LIG3: variants seen among roughly 807,000 people sequenced by gnomAD.
LIG3 encodes the protein DNA ligase 3.
Under a neutral mutation model 110.9 loss-of-function variants are expected in LIG3, and 58 were observed. The observed-to-expected ratio is 0.52, with a 90% confidence interval of 0.42 to 0.65. LIG3 has a LOEUF of 0.65. LIG3 is among the 30% of genes least tolerant of loss of function. LIG3 has a pLI of 0.00. For missense variants in LIG3, 1,094 were observed against 1,273.8 expected (o/e 0.86, Z 2.15); for synonymous variants, 422 against 472.8 (o/e 0.89, Z 1.39).
Position 35,004,774 on chromosome 17 carries a change from AC to A in LIG3, c.*271del. On this transcript the variant is annotated 3_prime_UTR_variant, in exon 20 of 20. Coordinates refer to ENST00000378526, the MANE Select transcript of LIG3 (RefSeq NM_013975.4). ...GTTTTCTTTGAAAAGCAGCTTAGTT[AC>A]CCTTTTTATAAATAAAATATCTTGC... 1 of 439,846 alleles carries A rather than the reference AC, an allele frequency of 2.3e-6. No homozygotes were observed. 27.2% of individuals were successfully genotyped at this position (439,846 alleles called of 1,614,324 possible).
At position 35,009,494 on chromosome 17, in the gene LIG3, T is replaced by A. The variant is rs1009552282; in HGVS notation, c.*4988T>A. The A allele has an allele frequency of 9.2e-5, 14 of 151,932 alleles. No homozygotes were observed. The highest frequency in any genetic ancestry group is 3.4e-4 in the African/African-American group (14 of 41,360). 9.4% of individuals were successfully genotyped at this position (151,932 alleles called of 1,614,324 possible). On this transcript the variant is annotated 3_prime_UTR_variant, in exon 20 of 20. Transcript: ENST00000378526. Reference sequence around the variant, plus strand: ...GGGGCAGAAGGGAGGATTCAAAGATTTAAAAAAAATCAAATTTTAGACCTT... The same window carrying A: ...GGGGCAGAAGGGAGGATTCAAAGATATAAAAAAAATCAAATTTTAGACCTT...
intron 2 of LIG3, among the ~76,000 whole-genome samples, chr17:34,985,777 T>C (rs868497261): frequency 7.2e-5 from 11 of 152,210 alleles, no homozygotes; most frequent in African/African-American, 1.9e-4. Context: ...ACTGGATCTT[T>C]TGTCTCCAGC....
chr17:34,998,516 C>T (rs2090804476), intron 13 of LIG3, 88 bp from the exon 14 acceptor site: 1 of 1,518,750 alleles, frequency 6.6e-7, no homozygotes, highest in Non-Finnish European at 9.0e-7. Flanking sequence ...GGGCACTGGG[C>T]TAGATCTGGT....
At chr17:34,991,607 G>T in intron 5 of LIG3, 64 bp from the exon 6 acceptor site, 1 of 1,535,706 alleles carries the variant, frequency 6.5e-7, no homozygotes, top group South Asian at 1.1e-5. Flanking sequence ...TCAGTCCTGG[G>T]TCTTGGGGGA....
chr17:35,004,559 G>T lies in LIG3; in HGVS notation c.*53G>T. ...CATACTCTCCTTTACCATACTACTGGACTGGACTCAGGCTGGAGGCAGATA... is the reference window on the plus strand; with the variant it reads ...CATACTCTCCTTTACCATACTACTGTACTGGACTCAGGCTGGAGGCAGATA... On this transcript the variant is annotated 3_prime_UTR_variant, in exon 20 of 20. Transcript: ENST00000378526. 1 of 1,457,908 alleles carries T rather than the reference G, an allele frequency of 6.9e-7. No individual in the cohort carries two copies. Among genetic ancestry groups the T allele is most frequent in the Middle Eastern group, 1.7e-4 (1 of 5,718 alleles). The allele number at this position is 1,457,908 out of a possible 1,614,324, so 90.3% of individuals were successfully genotyped here.
chr17:34,989,755 G>T (rs932720350), intron 4 of LIG3, 92 bp downstream of exon 4: 6 of 1,209,472 alleles, frequency 5.0e-6, no homozygotes, highest in South Asian at 1.2e-5. Context: ...AGTTGCCCGG[G>T]ATCCCATGCT....
intron 1 of LIG3, chr17:34,981,553 G>A (rs2090593062): frequency 6.6e-6 from 1 of 152,210 alleles, no homozygotes; most frequent in South Asian, 2.1e-4. Flanking sequence ...CAACTACCCT[G>A]TGAGGTAGGT....
chr17:34,981,812 T>C (rs1239132316), intron 1 of LIG3, among the ~76,000 whole-genome samples: 1 of 152,244 alleles, frequency 6.6e-6, no homozygotes, highest in Non-Finnish European at 1.5e-5. Context: ...ACTAGGACTA[T>C]AAAATGCTTT....
rs773228894 is a variant in LIG3 at position 34,983,270 on chromosome 17, G to A, written c.265G>A (p.Ala89Thr). ...VGLCSGPCEM[A>T]EQRFCVDYAK... ...ACTCTGCAGTGGCCCCTGTGAGATG[G>A]CTGAGCAACGGTTCTGTGTGGACTA... Residue 89 changes from alanine (A) to threonine (T), a missense_variant, in exon 2 of 20, where the codon GCT becomes ACT. Transcript: ENST00000378526. The A allele has an allele frequency of 1.2e-6, 2 of 1,614,238 alleles. No homozygotes were observed. The highest frequency in any genetic ancestry group is 2.2e-5 in the East Asian group (1 of 44,890).
rs1171098052 is a variant in LIG3, at chr17:34,989,587, C to G, written c.813C>G (p.Ala271=). 6.2e-7 allele frequency: 1 copy of G among 1,614,098 alleles called. No individual in the cohort carries two copies. The highest frequency in any genetic ancestry group is 8.5e-7 in the Non-Finnish European group (1 of 1,180,020). The stretch of plus-strand genomic sequence containing the variant: ...TACGGGAGTTTCGAAAGTTATGCGC[C>G]ATGGTGGCCGATAATCCTAGCTACA... The part of the protein sequence containing the change: ...CLLREFRKLC[A]MVADNPSYNT... The change falls in exon 4 of 20, where the codon GCC becomes GCG. Residue 271 remains alanine, a synonymous_variant. Transcript: ENST00000378526.
chr17:34,998,497 C>T (rs2067444763), intron 13 of LIG3, 107 bp from the exon 14 acceptor site: 2 of 1,422,920 alleles, frequency 1.4e-6, no homozygotes, highest in Admixed American at 3.8e-5. Context: ...GGCTCTTACC[C>T]TGAGGGAGGG....
chr17:35,001,603 C>CT (rs1419560135), intron 17 of LIG3, among the ~76,000 whole-genome samples, 200 bp downstream of exon 17: 4 of 152,182 alleles, frequency 2.6e-5, no homozygotes, highest in African/African-American at 9.6e-5. Flanking sequence ...CCCTCCATCT[C>CT]TGAGTAGAGA....
chr17:35,005,417 T>A lies in LIG3; in HGVS notation c.*911T>A, dbSNP rs1567696771. ...GACTGTGTATGCTCTGGTGGTGGTGTCTTACTTCCTCATGACTGGAGGAAT... is the reference window on the plus strand; with the variant it reads ...GACTGTGTATGCTCTGGTGGTGGTGACTTACTTCCTCATGACTGGAGGAAT... On this transcript the variant is annotated 3_prime_UTR_variant, in exon 20 of 20. Transcript: ENST00000378526. 2 of 560,034 alleles carry A rather than the reference T, an allele frequency of 3.6e-6. No individual in the cohort carries two copies. Among genetic ancestry groups the A allele is most frequent in the Admixed American group, 3.8e-5 (2 of 52,412 alleles). 34.7% of individuals were successfully genotyped at this position (560,034 alleles called of 1,614,324 possible).
rs2090617562 is a variant in LIG3 at position 34,982,994 on chromosome 17, T to C, written c.-4-8T>C. 7 of 1,519,232 alleles carry C rather than the reference T, an allele frequency of 4.6e-6. No homozygotes were observed. The highest frequency in any genetic ancestry group is 1.8e-4 in the Middle Eastern group (1 of 5,638). The allele number at this position is 1,519,232 out of a possible 1,614,324, so 94.1% of individuals were successfully genotyped here. ...TTTTTTTTTTTGGCCTCCTACTCTT[T>C]CGTACAGCTATATGTCTTTGGCTTT... On this transcript the variant is annotated splice_polypyrimidine_tract_variant and splice_region_variant and intron_variant, in intron 1 of 19. Transcript: ENST00000378526.
At chr17:34,982,647 C>CAAA (rs201908775) in intron 1 of LIG3, among the ~76,000 whole-genome samples, 2 of 79,652 alleles carry the variant, frequency 2.5e-5, no homozygotes, top group African/African-American at 4.5e-5. Flanking sequence ...AACTCCGCCT[C>CAAA]AAAAAAAAAA....
At chr17:34,989,845 T>C in intron 4 of LIG3, 182 bp downstream of exon 4, 1 of 605,172 alleles carries the variant, frequency 1.7e-6, no homozygotes, top group South Asian at 2.0e-5. Flanking sequence ...CATTTTGCAC[T>C]GTACTCCACA....
chr17:35,010,471 C>A (rs1436146711), downstream of LIG3: 1 of 152,132 alleles, frequency 6.6e-6, no homozygotes, highest in East Asian at 1.9e-4. Flanking sequence ...ATGGTTTCTC[C>A]TGCTGGGTGT....
Position 35,001,364 on chromosome 17 carries a change from T to G in LIG3, c.2439T>G (p.Asp813Glu). The change falls in exon 17 of 20, where the codon GAT becomes GAG. Residue 813 changes from aspartate (D) to glutamate (E), a missense_variant. By Grantham distance (45) the Asp-to-Glu change is conservative (BLOSUM62 2). Coordinates refer to ENST00000378526, the MANE Select transcript of LIG3 (RefSeq NM_013975.4). ...RFPRCTRIRD[D>E]KDWKSATNLP... Reference sequence around the variant, plus strand: ...CTCGCTGCACCCGAATCCGAGATGATAAGGACTGGAAATCTGCCACTAACC... The same window carrying G: ...CTCGCTGCACCCGAATCCGAGATGAGAAGGACTGGAAATCTGCCACTAACC... The G allele has an allele frequency of 6.2e-7, 1 of 1,614,206 alleles. No homozygotes were observed. Among genetic ancestry groups the G allele is most frequent in the Non-Finnish European group, 8.5e-7 (1 of 1,180,030 alleles).
At chr17:34,982,420 G>A (rs1325815469) in intron 1 of LIG3, among the ~76,000 whole-genome samples, 1 of 152,072 alleles carries the variant, frequency 6.6e-6, no homozygotes, top group Non-Finnish European at 1.5e-5. Context: ...CGAGGCGGGC[G>A]AATCACCTGA....
Sources: gnomAD v4.1 joint callset for allele counts (sites outside exome capture counted in the v4.1 genomes callset) on GRCh38, gnomAD v4.1.1 for gene constraint, MANE v1.5 for transcripts, NCBI Gene and HGNC (gene_info 2026-07-23, HGNC 2026-07-21) for gene names.